TMEM131: variants seen among roughly 807,000 people sequenced by gnomAD.
TMEM131 encodes the protein transmembrane protein 131.
Under a neutral mutation model 211.6 loss-of-function variants are expected in TMEM131, and 66 were observed. That is an observed-to-expected ratio of 0.31 (90% CI 0.26 to 0.38). TMEM131 has a LOEUF of 0.38. Ranked by LOEUF, TMEM131 falls within the 10% of genes least tolerant of loss-of-function variation. The pLI is 1.00. For synonymous variants in TMEM131, 844 were observed against 841.3 expected (o/e 1.00, Z -0.06); for missense variants, 2,036 against 2,299.3 (o/e 0.89, Z 2.34).
chr2:97,831,351 C>A (rs376765788), intron 11 of TMEM131, among the ~76,000 whole-genome samples: 7 of 152,282 alleles, frequency 4.6e-5, no homozygotes, highest in African/African-American at 1.7e-4. Context: ...GGTAGGGAAC[C>A]CCAGTGGTCT....
At chr2:97,925,712 T>A (rs545018369) in intron 2 of TMEM131, among the ~76,000 whole-genome samples, 28 of 152,288 alleles carry the variant, frequency 1.8e-4, no homozygotes, top group African/African-American at 6.7e-4. Context: ...TAAACCTAAT[T>A]TTCCTTATCT....
chr2:97,985,840 G>T (rs938004686), intron 1 of TMEM131, among the ~76,000 whole-genome samples: 3 of 151,950 alleles, frequency 2.0e-5, no homozygotes, highest in African/African-American at 4.8e-5. Context: ...GATGCCAACG[G>T]ACTGAAGAAA....
chr2:97,770,386 C>T (rs1679409205), intron 33 of TMEM131, among the ~76,000 whole-genome samples: 1 of 152,228 alleles, frequency 6.6e-6, no homozygotes, highest in Non-Finnish European at 1.5e-5. Context: ...ATATAGATTT[C>T]TCCAGTTACA....
intron 3 of TMEM131, among the ~76,000 whole-genome samples, chr2:97,903,489 C>T (rs571190224): frequency 6.6e-6 from 1 of 152,284 alleles, no homozygotes; most frequent in Admixed American, 6.5e-5. Context: ...ATGTAAAACA[C>T]AGTACTTGCA....
At chr2:97,794,128 G>A (rs1428554837) in intron 29 of TMEM131, among the ~76,000 whole-genome samples, 3 of 151,606 alleles carry the variant, frequency 2.0e-5, no homozygotes, top group Non-Finnish European at 4.4e-5. Flanking sequence ...GTGCAATGGG[G>A]CGATCTCAGC....
At chr2:97,793,063 G>T in intron 30 of TMEM131, 79 bp from the exon 31 acceptor site, 1 of 1,041,856 alleles carries the variant, frequency 9.6e-7, no homozygotes, top group Non-Finnish European at 1.3e-6. Context: ...AACTTCATCA[G>T]TACAGCCACC....
At chr2:97,995,340 G>T in intron 1 of TMEM131, 136 bp downstream of exon 1, 2 of 871,718 alleles carry the variant, frequency 2.3e-6, no homozygotes, top group Non-Finnish European at 1.5e-6. Context: ...GCGAGGTCCC[G>T]GCTCGGGACG....
At chr2:97,937,631 T>G (rs545194474) in intron 1 of TMEM131, among the ~76,000 whole-genome samples, 74 of 152,058 alleles carry the variant, frequency 4.9e-4, no homozygotes, top group Non-Finnish European at 7.5e-4. Flanking sequence ...TTAATAATAA[T>G]AAAGGGATCA....
intron 3 of TMEM131, among the ~76,000 whole-genome samples, chr2:97,898,442 A>G (rs1035610148): frequency 6.6e-6 from 1 of 152,132 alleles, no homozygotes; most frequent in Non-Finnish European, 1.5e-5. Context: ...TAAGCAGGCA[A>G]TTAAGGTTAA....
intron 32 of TMEM131, 46 bp downstream of exon 32, chr2:97,775,797 A>T: frequency 6.4e-7 from 1 of 1,570,806 alleles, no homozygotes; most frequent in Non-Finnish European, 8.6e-7. Context: ...GCTGCAGGAG[A>T]CCTCTCTTTC....
At chr2:97,837,769 C>T (rs1257405913) in intron 7 of TMEM131, among the ~76,000 whole-genome samples, 1 of 152,070 alleles carries the variant, frequency 6.6e-6, no homozygotes, top group African/African-American at 2.4e-5. Context: ...AAGTATACAA[C>T]CTGATGAATC....
At chr2:97,798,850 A>G (rs768870368) in intron 25 of TMEM131, among the ~76,000 whole-genome samples, 209 of 152,330 alleles carry the variant, frequency 1.4e-3, no homozygotes, top group Non-Finnish European at 2.2e-3. Context: ...GTTGGTGAGT[A>G]ATTTCCCTTT....
In TMEM131 at chr2:97,897,285, G is replaced by A. The variant is rs189274695; in HGVS notation, c.291-9165C>T. On this transcript the variant is annotated intron_variant, in intron 3 of 40. Coordinates refer to ENST00000186436, the MANE Select transcript of TMEM131 (RefSeq NM_015348.2). ...TCTTATTTCTGTTTCTTGTCTTAAT[G>A]TAATGACTACCACATCCAGTACAAT... is the stretch of plus-strand genomic sequence containing the variant. Among the ~76,000 whole-genome samples, 19 of 151,986 alleles carry A rather than the reference G, an allele frequency of 1.3e-4. 1 individual carries two copies. The East Asian group carries it at 3.5e-3, about 28-fold the overall frequency.
chr2:97,793,216 AAC>A, intron 30 of TMEM131, 177 bp downstream of exon 30: 3 of 679,254 alleles, frequency 4.4e-6, no homozygotes, highest in Non-Finnish European at 7.2e-6. Flanking sequence ...ATATAATAAA[AAC>A]ACAGTATCCA....
chr2:97,869,444 T>C (rs919651282), intron 4 of TMEM131, among the ~76,000 whole-genome samples: 3 of 152,218 alleles, frequency 2.0e-5, no homozygotes, highest in African/African-American at 7.2e-5. Flanking sequence ...AGGAAAGGCA[T>C]GGGCCACATC....
intron 1 of TMEM131, among the ~76,000 whole-genome samples, chr2:97,949,610 C>A (rs185748968): frequency 1.3e-5 from 2 of 151,596 alleles, no homozygotes; most frequent in East Asian, 1.9e-4. Context: ...GTCAGGAGAT[C>A]GAGCCATCCT....
At chr2:97,956,933 ACT>A (rs1035936527) in intron 1 of TMEM131, among the ~76,000 whole-genome samples, 1 of 152,086 alleles carries the variant, frequency 6.6e-6, no homozygotes, top group Non-Finnish European at 1.5e-5. Context: ...CCCCATCTGT[ACT>A]AAAAATACAA....
At chr2:97,824,231 C>T (rs367686837) in intron 11 of TMEM131, among the ~76,000 whole-genome samples, 2 of 152,382 alleles carry the variant, frequency 1.3e-5, no homozygotes, top group African/African-American at 4.8e-5. Flanking sequence ...CAAAGGTTCT[C>T]TAGGCCAGAA....
intron 7 of TMEM131, among the ~76,000 whole-genome samples, chr2:97,839,976 T>C (rs1185521202): frequency 6.6e-6 from 1 of 152,214 alleles, no homozygotes; most frequent in East Asian, 1.9e-4. Flanking sequence ...AACATACTCA[T>C]GTGTTTATGT....
Sources: allele counts gnomAD v4.1 joint callset (sites outside exome capture counted in the v4.1 genomes callset), GRCh38; gene constraint gnomAD v4.1.1; transcripts MANE v1.5; gene names NCBI Gene and HGNC (gene_info 2026-07-23, HGNC 2026-07-21).